TRIM13: variants seen among roughly 807,000 people sequenced by gnomAD.
TRIM13 encodes tripartite motif containing 13, also known as E3 ubiquitin-protein ligase TRIM13.
TRIM13 carries 15 observed loss-of-function variants against 27.1 expected under a neutral mutation model. The ratio of observed to expected loss-of-function variants is 0.55; its 90% confidence interval spans 0.37 to 0.85. The LOEUF (loss-of-function observed/expected upper bound fraction) is 0.85. Among genes scored for constraint, TRIM13 ranks in the 40% least tolerant of loss-of-function variants. The probability of loss-of-function intolerance (pLI) is 0.00; values close to 1 mark genes in which losing one functional copy is unlikely to be tolerated. For missense variants in TRIM13, 402 were observed against 472.2 expected, an observed-to-expected ratio of 0.85 and a Z score of 1.38; for synonymous variants, 193 against 171.5, an observed-to-expected ratio of 1.13 and a Z score of -0.98.
At chr13:50,002,662 C>T (rs1594561050) in intron 1 of TRIM13, among the ~76,000 whole-genome samples, 4 of 144,756 alleles carry the variant, frequency 2.8e-5, no homozygotes, top group East Asian at 4.0e-4. Flanking sequence ...ATGGATCTCT[C>T]TTTTTTTTTT....
chr13:50,014,459 T>C lies in TRIM13; in HGVS notation c.*1295T>C, dbSNP rs1008512957. The C allele has an allele frequency of 7.9e-5, 13 of 164,970 alleles. No individual in the cohort carries two copies. Among genetic ancestry groups the C allele is most frequent in the African/African-American group, 3.2e-4 (13 of 40,882 alleles). 10.2% of individuals were successfully genotyped at this position (164,970 alleles called of 1,614,324 possible). A position where few individuals can be genotyped will look rare whatever the true frequency, so the allele number is the denominator to read the frequency against. On this transcript the variant is annotated 3_prime_UTR_variant, in exon 2 of 2. Coordinates refer to ENST00000378182, the MANE Select transcript of TRIM13 (RefSeq NM_213590.3). ...CAGGAAATGGGAAGACTACCTTTTT[T>C]CTGGCAGCTATGTGTTGTTTTGTTC...
chr13:50,008,238 G>A (rs1023852232), intron 1 of TRIM13, among the ~76,000 whole-genome samples: 4 of 152,078 alleles, frequency 2.6e-5, no homozygotes, highest in African/African-American at 7.2e-5. Context: ...ATGGCCTACC[G>A]ATTAAGTCAT....
chr13:50,010,062 T>C (rs1416799404), intron 1 of TRIM13, among the ~76,000 whole-genome samples: 11 of 146,590 alleles, frequency 7.5e-5, no homozygotes, highest in South Asian at 4.3e-4. Flanking sequence ...TTTTTTTTTT[T>C]TCCTGAGGCA....
Position 50,015,674 on chromosome 13 carries a change from ATCT to A in TRIM13, c.*2512_*2514del, listed in dbSNP as rs1288517801. The A allele has an allele frequency of 2.5e-6, 4 of 1,614,138 alleles. No individual in the cohort carries two copies. The South Asian group carries it at 4.4e-5, about 18-fold the overall frequency. On this transcript the variant is annotated 3_prime_UTR_variant, in exon 2 of 2. Coordinates refer to ENST00000378182, the MANE Select transcript of TRIM13 (RefSeq NM_213590.3). ...CAGAGATGGTGATTTGTTTAGTTTC[ATCT>A]TAGATTTTTTGAGAACTCACCAGCT...
At chr13:49,998,250 T>C (rs1214721821) in intron 1 of TRIM13, among the ~76,000 whole-genome samples, 2 of 152,218 alleles carry the variant, frequency 1.3e-5, no homozygotes, top group Non-Finnish European at 2.9e-5. Context: ...ACGTTTTTTT[T>C]CCTTTCTCCC....
At position 50,012,820 on chromosome 13, in the gene TRIM13, G is replaced by C; in HGVS notation, c.880G>C (p.Val294Leu). 6.2e-7 allele frequency: 1 copy of C among 1,614,126 alleles called. No homozygotes were observed. The highest frequency in any genetic ancestry group is 8.5e-7 in the Non-Finnish European group (1 of 1,180,010). The change falls in exon 2 of 2, where the codon GTG (valine) becomes CTG (leucine). Residue 294 changes from valine to leucine, a missense_variant. Around this residue, in one of 2 missense-constraint regions of TRIM13, gnomAD observed 200 missense variants for 194.7 expected, o/e 1.03. Coordinates refer to ENST00000378182, the MANE Select transcript of TRIM13 (RefSeq NM_213590.3). ...SQWEDIKLVD[V>L]DKLSLPQDTG... ...GTGGGAAGACATAAAACTAGTCGAT[G>C]TGGATAAACTTTCTTTGCCTCAAGA...
At chr13:50,003,505 G>A (rs1475017088) in intron 1 of TRIM13, among the ~76,000 whole-genome samples, 2 of 152,170 alleles carry the variant, frequency 1.3e-5, no homozygotes, top group Non-Finnish European at 2.9e-5. Context: ...GAATGAATGA[G>A]TACTTTCTGC....
intron 1 of TRIM13, among the ~76,000 whole-genome samples, chr13:50,008,687 C>T (rs867151518): frequency 1.3e-5 from 2 of 151,860 alleles, no homozygotes; most frequent in Non-Finnish European, 2.9e-5. Context: ...ATGGTATTGC[C>T]TGTATTAGGG....
intron 1 of TRIM13, among the ~76,000 whole-genome samples, chr13:50,010,460 A>G (rs1016214116): frequency 6.6e-6 from 1 of 152,194 alleles, no homozygotes; most frequent in Non-Finnish European, 1.5e-5. Context: ...GTGAACTTCA[A>G]ATGGATCTTT....
intron 1 of TRIM13, among the ~76,000 whole-genome samples, chr13:49,998,706 A>G (rs1873589319): frequency 1.3e-5 from 2 of 152,038 alleles, no homozygotes; most frequent in African/African-American, 4.8e-5. Flanking sequence ...AGGTGGGTGG[A>G]TCACTTGAGG....
chr13:50,013,312 G>C lies in TRIM13; in HGVS notation c.*148G>C. 1 of 845,830 alleles carries C rather than the reference G, an allele frequency of 1.2e-6. No individual in the cohort carries two copies. The highest frequency in any genetic ancestry group is 1.7e-6 in the Non-Finnish European group (1 of 581,200). 52.4% of individuals were successfully genotyped at this position (845,830 alleles called of 1,614,324 possible). A position where few individuals can be genotyped will look rare whatever the true frequency, so the allele number is the denominator to read the frequency against. On this transcript the variant is annotated 3_prime_UTR_variant, in exon 2 of 2. Transcript: ENST00000378182. ...AATCTATACATGTTCAAATTAGGTAGCATAAAGATAAAAGTGAAATTTAGT... is the reference window on the plus strand; with the variant it reads ...AATCTATACATGTTCAAATTAGGTACCATAAAGATAAAAGTGAAATTTAGT...
intron 1 of TRIM13, among the ~76,000 whole-genome samples, chr13:50,008,470 G>A (rs1486506097): frequency 2.0e-5 from 3 of 148,584 alleles, no homozygotes; most frequent in Non-Finnish European, 3.0e-5. Flanking sequence ...AGTAAGACCT[G>A]GTCTCTACAA....
Position 49,997,711 on chromosome 13 carries a change from T to C in TRIM13, c.-59T>C, listed in dbSNP as rs1393904666. On this transcript the variant is annotated 5_prime_UTR_variant, in exon 1 of 2. Coordinates refer to ENST00000378182, the MANE Select transcript of TRIM13 (RefSeq NM_213590.3). Reference sequence around the variant, plus strand: ...CAAAACGTGAAAAAAAAGACCTGCTTTGCCCTGGGAAATAGTAACCCTGCC... The same window carrying C: ...CAAAACGTGAAAAAAAAGACCTGCTCTGCCCTGGGAAATAGTAACCCTGCC... 6.6e-6 allele frequency: 1 copy of C among 152,198 alleles called. No homozygotes were observed. The highest frequency in any genetic ancestry group is 2.4e-5 in the African/African-American group (1 of 41,450). The allele number at this position is 152,198 out of a possible 1,614,324, so 9.4% of individuals were successfully genotyped here.
At chr13:50,003,679 T>C (rs1774627371) in intron 1 of TRIM13, among the ~76,000 whole-genome samples, 2 of 152,220 alleles carry the variant, frequency 1.3e-5, no homozygotes, top group South Asian at 4.1e-4. Context: ...AAGCTGTTGT[T>C]GCCAGATACT....
chr13:50,001,563 G>A (rs1874046278), intron 1 of TRIM13, among the ~76,000 whole-genome samples: 1 of 152,074 alleles, frequency 6.6e-6, no homozygotes, highest in Admixed American at 6.5e-5. Context: ...TTTAACTACT[G>A]TTTATTCTAG....
chr13:49,999,619 C>G (rs1873774261), intron 1 of TRIM13, among the ~76,000 whole-genome samples: 1 of 152,118 alleles, frequency 6.6e-6, no homozygotes, highest in Non-Finnish European at 1.5e-5. Flanking sequence ...CTCAAGTGAT[C>G]CTCCTGCTTC....
intron 1 of TRIM13, among the ~76,000 whole-genome samples, chr13:50,007,787 A>G (rs1051913770): frequency 4.0e-5 from 6 of 150,544 alleles, no homozygotes; most frequent in African/African-American, 1.2e-4. Context: ...AGTCTCAAAA[A>G]AAAAAAAAAA....
intron 1 of TRIM13, among the ~76,000 whole-genome samples, chr13:49,998,801 T>C (rs1873606047): frequency 1.3e-5 from 2 of 151,754 alleles, no homozygotes; most frequent in Non-Finnish European, 1.5e-5. Flanking sequence ...TGGGGGTGCG[T>C]GCACCTGTAA....
rs1435250302 is a variant in TRIM13 at position 50,014,926 on chromosome 13, T to A, written c.*1762T>A. On this transcript the variant is annotated 3_prime_UTR_variant, in exon 2 of 2. Transcript: ENST00000378182. ...AGCTATGAGAATAGTCAAATTGAGC[T>A]TGCCAGGCTGTCTCATTCCTAACAT... 3.0e-5 allele frequency: 5 copies of A among 166,220 alleles called. No individual in the cohort carries two copies. 10.3% of individuals were successfully genotyped at this position (166,220 alleles called of 1,614,324 possible).
Sources: allele counts gnomAD v4.1 joint callset (sites outside exome capture counted in the v4.1 genomes callset), GRCh38; gene constraint gnomAD v4.1.1; regional missense constraint gnomAD v4.1.1; transcripts MANE v1.5; gene names NCBI Gene and HGNC (gene_info 2026-07-23, HGNC 2026-07-21).